The following DCLK1 variants were observed in gnomAD, a reference collection of about 807,000 sequenced individuals.
DCLK1 encodes serine/threonine-protein kinase DCLK1.
A neutral mutation model predicts 86.2 loss-of-function variants in DCLK1; 16 were observed. The ratio of observed to expected loss-of-function variants is 0.19; its 90% CI spans 0.13 to 0.28. The LOEUF is 0.28. Among genes scored for constraint, DCLK1 ranks in the 10% least tolerant of loss-of-function variants. The probability of loss-of-function intolerance (pLI) is 1.00; values close to 1 mark genes in which losing one functional copy is unlikely to be tolerated. For synonymous variants in DCLK1, 369 were observed against 370.5 expected (o/e 1.00, Z 0.05); for missense variants, 590 against 940.2 (o/e 0.63, Z 4.87).
intron 3 of DCLK1, among the ~76,000 whole-genome samples, chr13:35,987,828 A>G (rs1880013714): frequency 6.6e-6 from 1 of 152,122 alleles, no homozygotes; most frequent in South Asian, 2.1e-4. Flanking sequence ...AGAGGCCAGA[A>G]GCTTACAGTG....
At chr13:35,948,456 T>C (rs1365249970) in intron 3 of DCLK1, among the ~76,000 whole-genome samples, 1 of 152,202 alleles carries the variant, frequency 6.6e-6, no homozygotes. Flanking sequence ...CCTGTGTTTG[T>C]AATGCGCTCC....
rs1455027237 is a variant in DCLK1, at chr13:35,772,908, C to T, written c.*1627G>A. 1.3e-5 allele frequency: 2 copies of T among 152,138 alleles called. No individual in the cohort carries two copies. Among genetic ancestry groups the T allele is most frequent in the Non-Finnish European group, 2.9e-5 (2 of 68,034 alleles). The allele number at this position is 152,138 out of a possible 1,614,324, so 9.4% of individuals were successfully genotyped here. A position where few individuals can be genotyped will look rare whatever the true frequency, so the allele number is the denominator to read the frequency against. On this transcript the variant is annotated 3_prime_UTR_variant, in exon 17 of 17. Transcript: ENST00000360631. ...TAAAGGACTATAGAAACGTTGTTCA[C>T]AAATTTTAAGACTCTCAGGTATTAA...
At chr13:36,087,842 G>A (rs764576132) in intron 3 of DCLK1, among the ~76,000 whole-genome samples, 2 of 152,114 alleles carry the variant, frequency 1.3e-5, no homozygotes, top group East Asian at 1.9e-4. Flanking sequence ...AAGACCCCTG[G>A]GAAACAAGGG....
chr13:35,824,205 C>A (rs543545895), intron 10 of DCLK1, among the ~76,000 whole-genome samples: 5 of 152,234 alleles, frequency 3.3e-5, no homozygotes, highest in African/African-American at 9.6e-5. Context: ...GAGATAAGGT[C>A]TTGCTTTGTC....
intron 3 of DCLK1, among the ~76,000 whole-genome samples, chr13:36,023,951 A>C (rs1311529524): frequency 7.1e-6 from 1 of 140,620 alleles, no homozygotes; most frequent in Non-Finnish European, 1.5e-5. Flanking sequence ...GCTGGAGTAC[A>C]GTGGTGGGAT....
intron 3 of DCLK1, among the ~76,000 whole-genome samples, chr13:36,034,453 TCTC>T (rs1450844108): frequency 2.0e-5 from 3 of 152,196 alleles, no homozygotes; most frequent in Non-Finnish European, 4.4e-5. Context: ...CCTGTGATGA[TCTC>T]CTAGAAGTGA....
chr13:36,065,728 T>G (rs1020065200), intron 3 of DCLK1, among the ~76,000 whole-genome samples: 2 of 152,158 alleles, frequency 1.3e-5, no homozygotes, highest in Non-Finnish European at 2.9e-5. Context: ...AAGGAAAGAC[T>G]CATCTGGCTA....
rs151211520 is a variant in DCLK1 at position 35,899,296 on chromosome 13, T to C, written c.824-27956A>G. Among the ~76,000 whole-genome samples, 359 of 151,848 alleles carry C rather than the reference T, an allele frequency of 2.4e-3. 5 individuals are homozygous for C. The highest frequency in any genetic ancestry group is 8.3e-3 in the African/African-American group (343 of 41,394). ...ATAATAATATGAGAGAGAGAGCAGCTTGCATGTTTTTCATTTTAAGTATGT... is the reference window on the plus strand; with the variant it reads ...ATAATAATATGAGAGAGAGAGCAGCCTGCATGTTTTTCATTTTAAGTATGT... On this transcript the variant is annotated intron_variant, in intron 4 of 16. Transcript: ENST00000360631.
In DCLK1 at chr13:35,959,854, C is replaced by CATGTGTGT. The variant is rs1453302468; in HGVS notation, c.724-12398_724-12397insACACACAT. 1.7e-3 allele frequency among the ~76,000 whole-genome samples: 254 copies of CATGTGTGT among 149,410 alleles called. 1 individual carries two copies. The highest frequency in any genetic ancestry group is 5.8e-3 in the African/African-American group (234 of 40,438). On this transcript the variant is annotated intron_variant, in intron 3 of 16. Transcript: ENST00000360631. ...TCATGAAAAAACCAATACAGCAAGTCGTGTGTGTGTGTGTGTGTGTGTGTG... is the reference window on the plus strand; with the variant it reads ...TCATGAAAAAACCAATACAGCAAGTCATGTGTGTGTGTGTGTGTGTGTGTGTGTGTGTG...
chr13:36,006,079 C>A (rs1282982358), intron 3 of DCLK1, among the ~76,000 whole-genome samples: 1 of 152,116 alleles, frequency 6.6e-6, no homozygotes. Flanking sequence ...GGGCTTAAAA[C>A]CTAGATGACG....
intron 15 of DCLK1, chr13:35,805,305 C>CTT: frequency 1.2e-5 from 2 of 168,148 alleles, no homozygotes; most frequent in Admixed American, 6.1e-5. Context: ...ACACTTTTTT[C>CTT]TTTTTTTTTT....
At chr13:35,848,113 A>G (rs952349517) in intron 6 of DCLK1, 2 of 985,322 alleles carry the variant, frequency 2.0e-6, no homozygotes, top group Non-Finnish European at 2.4e-6. Flanking sequence ...CTACAGCACG[A>G]TGTCTTCAGA....
chr13:36,074,310 G>A (rs1343273356), intron 3 of DCLK1, among the ~76,000 whole-genome samples: 5 of 151,636 alleles, frequency 3.3e-5, no homozygotes, highest in African/African-American at 7.3e-5. Context: ...AGACCTTCCC[G>A]GCTAACACAG....
At chr13:35,984,959 C>T (rs1214521593) in intron 3 of DCLK1, among the ~76,000 whole-genome samples, 4 of 152,062 alleles carry the variant, frequency 2.6e-5, no homozygotes, top group Non-Finnish European at 5.9e-5. Flanking sequence ...TGCCCTGGTC[C>T]CAGCAGCACC....
chr13:35,837,532 C>G (rs539576306), intron 7 of DCLK1, among the ~76,000 whole-genome samples: 1 of 152,076 alleles, frequency 6.6e-6, no homozygotes, highest in Non-Finnish European at 1.5e-5. Context: ...GCAAAGCACC[C>G]AAATTTACAA....
At chr13:36,102,375 A>G (rs1885249602) in intron 3 of DCLK1, among the ~76,000 whole-genome samples, 1 of 152,196 alleles carries the variant, frequency 6.6e-6, no homozygotes. Context: ...CCTGTAATCT[A>G]CTTGTTAAAG....
At chr13:35,854,294 C>CA (rs1168005692) in intron 6 of DCLK1, among the ~76,000 whole-genome samples, 1 of 152,224 alleles carries the variant, frequency 6.6e-6, no homozygotes, top group African/African-American at 2.4e-5. Flanking sequence ...GCATTCTTCT[C>CA]AGAGTTAAGA....
chr13:35,844,981 C>T (rs1240784212), intron 6 of DCLK1, among the ~76,000 whole-genome samples: 1 of 152,198 alleles, frequency 6.6e-6, no homozygotes, highest in East Asian at 1.9e-4. Context: ...GGTACAGTGG[C>T]TCACACCTAT....
chr13:35,801,207 A>G (rs1181470296), intron 15 of DCLK1, among the ~76,000 whole-genome samples: 1 of 152,240 alleles, frequency 6.6e-6, no homozygotes, highest in African/African-American at 2.4e-5. Flanking sequence ...TTGATTGCCA[A>G]ATGCAAAATG....
Sources: allele counts gnomAD v4.1 joint callset (sites outside exome capture counted in the v4.1 genomes callset), GRCh38; gene constraint gnomAD v4.1.1; transcripts MANE v1.5; gene names NCBI Gene and HGNC (gene_info 2026-07-23, HGNC 2026-07-21).